The following ABRAXAS1 variants were observed in gnomAD, a reference collection of about 807,000 sequenced individuals.
ABRAXAS1 encodes the protein BRCA1-A complex subunit Abraxas 1.
A neutral mutation model predicts 38.4 loss-of-function variants in ABRAXAS1; 26 were observed. That is an observed-to-expected ratio of 0.68 (90% CI 0.50 to 0.94). The LOEUF (loss-of-function observed/expected upper bound fraction) is 0.94. Ranked by LOEUF, ABRAXAS1 falls within the 40% of genes least tolerant of loss-of-function variation. The pLI, the probability that ABRAXAS1 is intolerant of heterozygous loss-of-function variation, is 0.00. For synonymous variants in ABRAXAS1, 144 were observed against 165.5 expected, an observed-to-expected ratio of 0.87 and a Z score of 1.00; for missense variants, 438 against 481.9, an observed-to-expected ratio of 0.91 and a Z score of 0.85.
At position 83,461,602 on chromosome 4, in the gene ABRAXAS1, C is replaced by T. The variant is rs187712373; in HGVS notation, c.*867G>A. 3.8e-5 allele frequency: 11 copies of T among 293,154 alleles called. No homozygotes were observed. Among genetic ancestry groups the T allele is most frequent in the East Asian group, 9.8e-5 (2 of 20,330 alleles). 18.2% of individuals were successfully genotyped at this position (293,154 alleles called of 1,614,324 possible). On this transcript the variant is annotated 3_prime_UTR_variant, in exon 9 of 9. Coordinates refer to ENST00000321945, the MANE Select transcript of ABRAXAS1 (RefSeq NM_139076.3). ...CACAGAAGGACAAAATATTCCTAGACGAGTCTACCCTCAAACCAGTAGTGT... is the reference window on the plus strand; with the variant it reads ...CACAGAAGGACAAAATATTCCTAGATGAGTCTACCCTCAAACCAGTAGTGT...
rs758079543 is a variant in ABRAXAS1 at position 83,463,581 on chromosome 4, C to A, written c.709G>T (p.Glu237Ter). Reference protein sequence around the residue: ...KSICKKVEDSEQAVDKLVKDV... With the variant: ...KSICKKVEDS ...TTTACTAGTTTATCTACTGCTTGTT[C>A]ACTGTCTTCCACTTTTTTGCATATA... The change falls in exon 8 of 9, where the codon GAA becomes TAA. Residue 237 changes from glutamate (E) to a stop codon, truncating the protein, a stop_gained. Coordinates refer to ENST00000321945, the MANE Select transcript of ABRAXAS1 (RefSeq NM_139076.3). LOFTEE classifies it high-confidence loss of function. 1 of 1,608,144 alleles carries A rather than the reference C, an allele frequency of 6.2e-7. No individual in the cohort carries two copies. Among genetic ancestry groups the A allele is most frequent in the Non-Finnish European group, 8.5e-7 (1 of 1,177,894 alleles).
chr4:83,473,940 T>C lies in ABRAXAS1; in HGVS notation c.216-1652A>G, dbSNP rs995999637. Among the ~76,000 whole-genome samples, 11 of 151,578 alleles carry C rather than the reference T, an allele frequency of 7.3e-5. No individual in the cohort carries two copies. The East Asian group carries it at 2.2e-3, about 30-fold the overall frequency. On this transcript the variant is annotated intron_variant, in intron 3 of 8. Coordinates refer to ENST00000321945, the MANE Select transcript of ABRAXAS1 (RefSeq NM_139076.3). ...TGAGGTCAGGAGATTGAAACCAGCC[T>C]GGCCAACGTGGCAAAACCCCATCTC...
chr4:83,476,038 C>A (rs1219777445), intron 3 of ABRAXAS1, among the ~76,000 whole-genome samples: 1 of 151,996 alleles, frequency 6.6e-6, no homozygotes, highest in Non-Finnish European at 1.5e-5. Flanking sequence ...CCTGTCTCTA[C>A]CAAAATATAA....
In ABRAXAS1 at chr4:83,474,772, C is replaced by T. The variant is rs571321302; in HGVS notation, c.215+1871G>A. 1.3e-3 allele frequency among the ~76,000 whole-genome samples: 203 copies of T among 151,494 alleles called. 2 individuals carry two copies. Among genetic ancestry groups the T allele is most frequent in the Non-Finnish European group, 1.2e-3 (80 of 67,910 alleles). ...ATCGAGGGCCACATAAAAACTACAT[C>T]GTGGGGCTCTATTTTAGCAACCCCT... On this transcript the variant is annotated intron_variant, in intron 3 of 8. Coordinates refer to ENST00000321945, the MANE Select transcript of ABRAXAS1 (RefSeq NM_139076.3).
At chr4:83,468,311 G>GAAAAAAAAAAAAAAAAAAA (rs56262938) in intron 6 of ABRAXAS1, among the ~76,000 whole-genome samples, 1 of 123,770 alleles carries the variant, frequency 8.1e-6, no homozygotes. Flanking sequence ...GTCTTTAAAA[G>GAAAAAAAAAAAAAAAAAAA]AAAAAAAAAA....
chr4:83,465,538 A>C (rs1370993347), intron 7 of ABRAXAS1, among the ~76,000 whole-genome samples: 2 of 152,202 alleles, frequency 1.3e-5, no homozygotes, highest in African/African-American at 4.8e-5. Context: ...CTGTAATCCC[A>C]GTACTTTGGG....
chr4:83,478,280 G>A, intron 2 of ABRAXAS1: 1 of 659,944 alleles, frequency 1.5e-6, no homozygotes, highest in South Asian at 1.4e-5. Flanking sequence ...TCTCTATAAG[G>A]GCACTTTGGA....
At chr4:83,478,182 A>AT in intron 2 of ABRAXAS1, 1 of 720,486 alleles carries the variant, frequency 1.4e-6, no homozygotes. Context: ...AGCTTTACAT[A>AT]TGGTTTGGCT....
rs750046185 is a variant in ABRAXAS1 at position 83,462,661 on chromosome 4, A to G, written c.1038T>C (p.His346=). ...ATCTGTCATCTAAGTCTAAGGCTTTATGCTTAATGATTTGTGGTGTACTAG... is the reference window on the plus strand; with the variant it reads ...ATCTGTCATCTAAGTCTAAGGCTTTGTGCTTAATGATTTGTGGTGTACTAG... The part of the protein sequence containing the change: ...SPASTPQIIK[H]KALDLDDRWQ... Residue 346 remains histidine, a synonymous_variant, in exon 9 of 9, where the codon CAT becomes CAC. Coordinates refer to ENST00000321945, the MANE Select transcript of ABRAXAS1 (RefSeq NM_139076.3). The G allele has an allele frequency of 5.3e-5, 86 of 1,613,868 alleles. No individual in the cohort carries two copies. The highest frequency in any genetic ancestry group is 1.7e-4 in the Middle Eastern group (1 of 5,950).
chr4:83,484,868 G>T (rs1723125633), intron 1 of ABRAXAS1, 118 bp downstream of exon 1: 1 of 803,122 alleles, frequency 1.2e-6, no homozygotes, highest in Non-Finnish European at 1.9e-6. Flanking sequence ...CGCGACCGCA[G>T]GGAGGAGGCG....
At chr4:83,481,048 C>T (rs975854600) in intron 2 of ABRAXAS1, among the ~76,000 whole-genome samples, 12 of 151,976 alleles carry the variant, frequency 7.9e-5, no homozygotes, top group African/African-American at 2.9e-4. Context: ...AGGAGAATCG[C>T]TTGAACCTGG....
intron 1 of ABRAXAS1, 40 bp from the exon 2 acceptor site, chr4:83,482,284 G>A (rs201119516): frequency 1.6e-6 from 2 of 1,236,714 alleles, no homozygotes; most frequent in African/African-American, 1.5e-5. Flanking sequence ...TACACTGATA[G>A]AATTACTGTT....
intron 4 of ABRAXAS1, among the ~76,000 whole-genome samples, chr4:83,471,602 A>C (rs1449298765): frequency 6.6e-6 from 1 of 152,202 alleles, no homozygotes; most frequent in East Asian, 1.9e-4. Flanking sequence ...TGGGGAAAAA[A>C]TCCATTTTGA....
At chr4:83,478,818 A>G (rs1050730142) in intron 2 of ABRAXAS1, 1 of 153,602 alleles carries the variant, frequency 6.5e-6, no homozygotes, top group Admixed American at 6.5e-5. Context: ...GGTTCTCATT[A>G]AAGTGTTTAT....
rs1560570544 is a variant in ABRAXAS1 at position 83,462,594 on chromosome 4, G to A, written c.1105C>T (p.Arg369Ter). The A allele has an allele frequency of 2.5e-6, 4 of 1,613,978 alleles. No homozygotes were observed. Among genetic ancestry groups the A allele is most frequent in the South Asian group, 1.1e-5 (1 of 91,072 alleles). ...CTACTACCAGTATCTGCTTTAGATCGTTTGTCTTGTGTATCTAACAACCGA... is the reference window on the plus strand; with the variant it reads ...CTACTACCAGTATCTGCTTTAGATCATTTGTCTTGTGTATCTAACAACCGA... ...RSRLLDTQDK[R>*]SKADTGSSNQ... is the part of the protein sequence containing the mutation. Residue 369 changes from arginine (R) to a stop codon, truncating the protein, a stop_gained, in exon 9 of 9, where the codon CGA (arginine) becomes TGA (stop). Transcript: ENST00000321945. LOFTEE classifies it low-confidence loss of function (END_TRUNC).
At chr4:83,484,710 A>G in intron 1 of ABRAXAS1, 1 of 311,282 alleles carries the variant, frequency 3.2e-6, no homozygotes, top group Non-Finnish European at 5.9e-6. Context: ...CCACAGCTAC[A>G]GGGGCGCCGA....
At chr4:83,478,247 AGGGCAATCGT>A (rs1398181502) in intron 2 of ABRAXAS1, 2 of 679,264 alleles carry the variant, frequency 2.9e-6, no homozygotes, top group Non-Finnish European at 5.6e-6. Context: ...GATGAACCAG[AGGGCAATCGT>A]GGGACATGTG....
At position 83,485,099 on chromosome 4, in the gene ABRAXAS1, A is replaced by C; in HGVS notation, c.-27T>G. 6.5e-7 allele frequency: 1 copy of C among 1,546,652 alleles called. No homozygotes were observed. The highest frequency in any genetic ancestry group is 1.2e-5 in the South Asian group (1 of 84,840). ...CTACCGCCGCCTCAGGCTACACAAG[A>C]GGACGAGGGCGGGGCGCGCGGAGGC... On this transcript the variant is annotated 5_prime_UTR_variant, in exon 1 of 9. Transcript: ENST00000321945.
At chr4:83,481,407 C>T (rs1207969240) in intron 2 of ABRAXAS1, among the ~76,000 whole-genome samples, 1 of 152,204 alleles carries the variant, frequency 6.6e-6, no homozygotes, top group Non-Finnish European at 1.5e-5. Context: ...ACTGCTTTAG[C>T]ACCCACTCCT....
Sources: allele counts gnomAD v4.1 joint callset (sites outside exome capture counted in the v4.1 genomes callset), GRCh38; gene constraint gnomAD v4.1.1; transcripts MANE v1.5; gene names NCBI Gene and HGNC (gene_info 2026-07-23, HGNC 2026-07-21).